The following CSF2RA variants were observed in gnomAD, a reference collection of about 807,000 sequenced individuals.
CSF2RA encodes the protein colony stimulating factor 2 receptor subunit alpha, also known as granulocyte-macrophage colony-stimulating factor receptor subunit alpha.
CSF2RA carries 42 observed loss-of-function variants against 51.6 expected under a neutral mutation model. The observed-to-expected ratio is 0.81, with a 90% confidence interval of 0.64 to 1.05. The LOEUF (loss-of-function observed/expected upper bound fraction) is 1.05. Ranked by LOEUF, CSF2RA falls within the 50% of genes least tolerant of loss-of-function variation. The pLI is 0.00. For missense variants in CSF2RA, 530 were observed against 501.1 expected (o/e 1.06, Z -0.55); for synonymous variants, 222 against 193.0 (o/e 1.15, Z -1.24).
chrX:1,309,973 A>C, downstream of CSF2RA: 1 of 503,270 alleles, frequency 2.0e-6, no homozygotes. Flanking sequence ...ACTTTGGAGG[A>C]TTGCTGGAGA....
intron 9 of CSF2RA, among the ~76,000 whole-genome samples, chrX:1,296,972 G>A (rs2092002667): frequency 1.2e-5 from 1 of 83,094 alleles, no homozygotes; most frequent in Non-Finnish European, 2.5e-5. Flanking sequence ...CATGACCCCT[G>A]GCGGAACCGT....
chrX:1,305,926 C>T, intron 12 of CSF2RA: 2 of 787,172 alleles, frequency 2.5e-6, no homozygotes, highest in Non-Finnish European at 4.0e-6. Context: ...GCTAAAAATA[C>T]AAAAAATTAG....
At chrX:1,275,365 T>C (rs1212322335) in intron 2 of CSF2RA, among the ~76,000 whole-genome samples, 3 of 151,216 alleles carry the variant, frequency 2.0e-5, no homozygotes, top group African/African-American at 7.3e-5. Context: ...CACTCCAGCC[T>C]GGGCAACAGA....
intron 11 of CSF2RA, among the ~76,000 whole-genome samples, chrX:1,305,024 C>T (rs1251422063): frequency 1.4e-5 from 2 of 138,066 alleles, no homozygotes; most frequent in African/African-American, 2.7e-5. Context: ...GATGGAGTCT[C>T]ACTCTGTCAC....
downstream of CSF2RA, among the ~76,000 whole-genome samples, chrX:1,310,903 A>C (rs1385625538): frequency 6.6e-6 from 1 of 152,016 alleles, no homozygotes; most frequent in Non-Finnish European, 1.5e-5. Flanking sequence ...CCTTTCTTGT[A>C]GTAATGAGTG....
At chrX:1,309,314 C>T (rs1305819901) in intron 12 of CSF2RA, 88 bp from the exon 13 acceptor site, 14 of 1,360,432 alleles carry the variant, frequency 1.0e-5, no homozygotes, top group African/African-American at 7.2e-5. Flanking sequence ...GACTCCGTCT[C>T]GAGGGAGAAA....
intron 4 of CSF2RA, among the ~76,000 whole-genome samples, chrX:1,286,453 C>G (rs2090672364): frequency 1.5e-5 from 2 of 132,634 alleles, no homozygotes; most frequent in African/African-American, 5.5e-5. Context: ...TCTGTAATCC[C>G]AGCTACTCGG....
chrX:1,306,567 A>T (rs1358121560), intron 12 of CSF2RA, among the ~76,000 whole-genome samples: 2 of 151,978 alleles, frequency 1.3e-5, no homozygotes, highest in Admixed American at 1.3e-4. Context: ...GAATCACTTG[A>T]ACCCAGGAGG....
downstream of CSF2RA, among the ~76,000 whole-genome samples, chrX:1,314,792 TCCCACTGCACCTGCCCAAC>T (rs1569515009): frequency 2.9e-4 from 1 of 3,416 alleles, no homozygotes; most frequent in African/African-American, 1.9e-3. Context: ...ACCTGCCCAA[TCCCACTGCACCTGCCCAAC>T]CCCACTGTGC....
intron 2 of CSF2RA, among the ~76,000 whole-genome samples, chrX:1,277,154 G>T (rs1488540765): frequency 6.6e-6 from 1 of 151,976 alleles, no homozygotes; most frequent in East Asian, 1.9e-4. Context: ...AAGAGGTGAA[G>T]AAATGACAGA....
At chrX:1,270,685 A>G (rs28446915) in intron 1 of CSF2RA, among the ~76,000 whole-genome samples, 126,749 of 150,854 alleles carry the variant, frequency 0.84, 53,645 homozygotes, top group Non-Finnish European at 0.89. Flanking sequence ...ATCTTGCGTC[A>G]GGAATGGCTG....
At chrX:1,296,752 T>C (rs374661156) in intron 9 of CSF2RA, among the ~76,000 whole-genome samples, 44 of 708 alleles carry the variant, frequency 0.062, no homozygotes, top group African/African-American at 0.12. Flanking sequence ...CTGGCGGAAC[T>C]GTACAGTCCC....
At chrX:1,283,465 C>G (rs1457728788) in intron 3 of CSF2RA, among the ~76,000 whole-genome samples, 1 of 132,262 alleles carries the variant, frequency 7.6e-6, no homozygotes, top group African/African-American at 2.6e-5. Context: ...TCCTTCCCTC[C>G]CTCCCTCCCT....
At chrX:1,288,060 G>C (rs1333176502) in intron 4 of CSF2RA, among the ~76,000 whole-genome samples, 1 of 151,532 alleles carries the variant, frequency 6.6e-6, no homozygotes, top group East Asian at 1.9e-4. Context: ...TTTCAGCACT[G>C]CTAGAGTATA....
chrX:1,296,316 A>C, intron 9 of CSF2RA, among the ~76,000 whole-genome samples: 1 of 139,082 alleles, frequency 7.2e-6, no homozygotes, highest in African/African-American at 2.8e-5. Flanking sequence ...CCTACTCACG[A>C]CCCCTACACT....
At chrX:1,276,935 C>A (rs1205565121) in intron 2 of CSF2RA, among the ~76,000 whole-genome samples, 1 of 151,400 alleles carries the variant, frequency 6.6e-6, no homozygotes, top group Non-Finnish European at 1.5e-5. Context: ...GCTATCTCTA[C>A]TAAAAATACA....
chrX:1,283,818 C>G (rs1234076852), intron 3 of CSF2RA, among the ~76,000 whole-genome samples: 2 of 151,988 alleles, frequency 1.3e-5, no homozygotes, highest in African/African-American at 4.8e-5. Context: ...GATCCCGTGC[C>G]TCGGCCTCCC....
At chrX:1,285,448 C>G (rs1474301834) in intron 3 of CSF2RA, among the ~76,000 whole-genome samples, 1 of 151,806 alleles carries the variant, frequency 6.6e-6, no homozygotes. Flanking sequence ...TATCCCAGCA[C>G]TTCGGGAGGC....
downstream of CSF2RA, among the ~76,000 whole-genome samples, chrX:1,314,965 C>G (rs1470125282): frequency 6.0e-4 from 33 of 54,954 alleles, 3 homozygotes; most frequent in African/African-American, 9.4e-4. Context: ...CTGCCCAACC[C>G]CACTGTGCCT....
Sources: gnomAD v4.1 joint callset for allele counts (sites outside exome capture counted in the v4.1 genomes callset) on GRCh38, gnomAD v4.1.1 for gene constraint, MANE v1.5 for transcripts, NCBI Gene and HGNC (gene_info 2026-07-23, HGNC 2026-07-21) for gene names.